Variants in TG observed in about 807,000 individuals in gnomAD.
TG encodes thyroglobulin, also known as thyroid hormones.
In TG, 270 loss-of-function variants were observed where a neutral mutation model predicts 324.7. The ratio of observed to expected loss-of-function variants is 0.83; its 90% CI spans 0.75 to 0.92. The LOEUF is 0.92. Among genes scored for constraint, TG ranks in the 40% least tolerant of loss-of-function variants. The pLI is 0.00. For missense variants in TG, 3,591 were observed against 3,456.4 expected (o/e 1.04, Z -0.98); for synonymous variants, 1,401 against 1,327.0 (o/e 1.06, Z -1.21).
intron 35 of TG, among the ~76,000 whole-genome samples, chr8:132,991,323 C>T (rs1011904608): frequency 3.9e-5 from 6 of 152,148 alleles, no homozygotes; most frequent in South Asian, 4.2e-4. Flanking sequence ...TGCCTTTAAA[C>T]GCTGTGCACC....
At chr8:132,969,628 A>T in intron 32 of TG, 59 bp downstream of exon 32, 1 of 1,264,824 alleles carries the variant, frequency 7.9e-7, no homozygotes, top group Non-Finnish European at 1.2e-6. Context: ...CTCAAAGAAG[A>T]TGACACAATC....
intron 41 of TG, among the ~76,000 whole-genome samples, chr8:133,078,378 C>G (rs982636535): frequency 1.3e-5 from 2 of 152,166 alleles, no homozygotes; most frequent in African/African-American, 4.8e-5. Flanking sequence ...ACAACAGAGG[C>G]CCAGCCAGGG....
chr8:132,903,355 G>A (rs1291628219), intron 16 of TG, among the ~76,000 whole-genome samples: 2 of 152,174 alleles, frequency 1.3e-5, no homozygotes, highest in African/African-American at 4.8e-5. Flanking sequence ...TGGAAGTCTA[G>A]GAAGATTCCT....
Position 133,022,810 on chromosome 8 carries a change from C to T in TG, c.7036+660C>T, listed in dbSNP as rs187222177. Among the ~76,000 whole-genome samples, 68 of 152,290 alleles carry T rather than the reference C, an allele frequency of 4.5e-4. No individual in the cohort carries two copies. In the South Asian group the frequency reaches 0.013, roughly 29 times the overall value. ...CAGGGAATGTATCAGCTGCAGTGGT[C>T]GGGACAGAGTCACTGACCTAGGAAT... On this transcript the variant is annotated intron_variant, in intron 40 of 47. Coordinates refer to ENST00000220616, the MANE Select transcript of TG (RefSeq NM_003235.5).
intron 23 of TG, among the ~76,000 whole-genome samples, chr8:132,931,306 G>T (rs1268610569): frequency 1.3e-5 from 2 of 152,222 alleles, no homozygotes; most frequent in African/African-American, 4.8e-5. Context: ...TCCAAATGCA[G>T]TCACATTCTG....
intron 27 of TG, 110 bp downstream of exon 27, chr8:132,949,053 T>A (rs931735256): frequency 1.0e-5 from 9 of 876,188 alleles, no homozygotes; most frequent in Middle Eastern, 2.3e-4. Context: ...CTTATACTTC[T>A]GAAAAAAAAA....
rs143929015 is a variant in TG, at chr8:132,897,671, C to T, written c.3024C>T (p.Arg1008=). ...CAGCCTTAAGCTTCTATCAGAGACG[C>T]CGCTTTTCCCCGGACGACTCGGCTG... The part of the protein sequence containing the change: ...AQSTLSFYQR[R]RFSPDDSAGA... Residue 1008 remains arginine (R), a synonymous_variant, in exon 12 of 48, where the codon CGC becomes CGT. Coordinates refer to ENST00000220616, the MANE Select transcript of TG (RefSeq NM_003235.5). 934 of 1,614,236 alleles carry T rather than the reference C, an allele frequency of 5.8e-4. 1 individual carries two copies. Among genetic ancestry groups the T allele is most frequent in the Non-Finnish European group, 7.4e-4 (875 of 1,180,046 alleles).
chr8:133,015,878 A>G (rs1363860475), intron 37 of TG, among the ~76,000 whole-genome samples: 4 of 152,192 alleles, frequency 2.6e-5, no homozygotes, highest in Admixed American at 2.6e-4. Flanking sequence ...TCTAACTCAT[A>G]TTCCAATGTC....
At chr8:133,055,875 C>T (rs1039738517) in intron 41 of TG, among the ~76,000 whole-genome samples, 13 of 150,258 alleles carry the variant, frequency 8.7e-5, no homozygotes, top group Admixed American at 2.6e-4. Flanking sequence ...AGCAGCAGGG[C>T]GCACAGCTCT....
intron 35 of TG, chr8:132,995,447 T>A (rs1229967735): frequency 1.1e-5 from 11 of 985,308 alleles, no homozygotes; most frequent in Non-Finnish European, 1.3e-5. Flanking sequence ...GCAAGTTCCC[T>A]ACAGTTCACC....
At chr8:133,106,394 C>G in intron 43 of TG, 6 of 985,364 alleles carry the variant, frequency 6.1e-6, no homozygotes, top group Non-Finnish European at 7.2e-6. Context: ...GCTCTGTGTT[C>G]CATGCTCTCT....
intron 41 of TG, chr8:133,044,916 G>A (rs1839020634): frequency 6.6e-7 from 1 of 1,526,230 alleles, no homozygotes; most frequent in Admixed American, 1.7e-5. Flanking sequence ...CCAGACGGAT[G>A]GCGCCACAGA....
Position 132,948,943 on chromosome 8 carries a change from A to T in TG, c.5401A>T (p.Ser1801Cys). 3 of 1,613,226 alleles carry T rather than the reference A, an allele frequency of 1.9e-6. No individual in the cohort carries two copies. Among genetic ancestry groups the T allele is most frequent in the Non-Finnish European group, 2.5e-6 (3 of 1,179,972 alleles). ...LRLGDQEFIK[S>C]LTPLEGTQDT... is the part of the protein sequence containing the mutation. ...TCTTGGAGACCAGGAGTTCATCAAG[A>T]GTAAGTCTTTGCCATTTGTCCATAT... The change falls in exon 27 of 48, where the codon AGT (serine) becomes TGT (cysteine). Residue 1801 changes from serine (S) to cysteine (C), a missense_variant and splice_region_variant. By Grantham distance (112) the Ser-to-Cys change is moderately radical. Transcript: ENST00000220616.
chr8:132,980,264 C>A (rs1442152717), intron 34 of TG, among the ~76,000 whole-genome samples: 5 of 152,100 alleles, frequency 3.3e-5, no homozygotes, highest in African/African-American at 1.2e-4. Context: ...CTCAGTCCCC[C>A]TCCCCTATCT....
chr8:133,113,481 G>T lies in TG; in HGVS notation c.7632G>T (p.Gln2544His), dbSNP rs1389900376. 3.1e-6 allele frequency: 5 copies of T among 1,614,002 alleles called. No individual in the cohort carries two copies. Among genetic ancestry groups the T allele is most frequent in the Non-Finnish European group, 4.2e-6 (5 of 1,180,024 alleles). ...AAACAGCCTTTTACCAGGCACTGCA[G>T]AATTCTCTGGGTGGCGAGGACTCAG... ...SSKTAFYQAL[Q>H]NSLGGEDSDA... Residue 2544 changes from glutamine to histidine, a missense_variant, in exon 44 of 48, where the codon CAG becomes CAT. Coordinates refer to ENST00000220616, the MANE Select transcript of TG (RefSeq NM_003235.5).
At chr8:132,985,502 A>G (rs1044008511) in intron 35 of TG, among the ~76,000 whole-genome samples, 25 of 152,056 alleles carry the variant, frequency 1.6e-4, no homozygotes, top group African/African-American at 6.0e-4. Context: ...CCCTTTTACA[A>G]TTTTCCTCCT....
At chr8:132,956,623 G>A (rs936393839) in intron 27 of TG, among the ~76,000 whole-genome samples, 3 of 152,192 alleles carry the variant, frequency 2.0e-5, no homozygotes, top group Non-Finnish European at 2.9e-5. Flanking sequence ...AGTGTGACTC[G>A]GGAGGTGGGC....
chr8:132,884,815 A>G (rs1389225426), intron 8 of TG, among the ~76,000 whole-genome samples: 1 of 152,236 alleles, frequency 6.6e-6, no homozygotes, highest in Non-Finnish European at 1.5e-5. Flanking sequence ...AACAAATGCC[A>G]CATGGAAACA....
At chr8:133,060,001 G>T in intron 41 of TG, 1 of 1,218,470 alleles carries the variant, frequency 8.2e-7, no homozygotes, top group Non-Finnish European at 1.1e-6. Flanking sequence ...GGTACCCATT[G>T]CCCCATTTAA....
Sources: gnomAD v4.1 joint callset for allele counts (sites outside exome capture counted in the v4.1 genomes callset) on GRCh38, gnomAD v4.1.1 for gene constraint, MANE v1.5 for transcripts, NCBI Gene and HGNC (gene_info 2026-07-23, HGNC 2026-07-21) for gene names.